The following PDZD2 variants were observed in gnomAD, a reference collection of about 807,000 sequenced individuals.
PDZD2 encodes PDZ domain-containing protein 2.
A neutral mutation model predicts 220.7 loss-of-function variants in PDZD2; 90 were observed. The observed-to-expected ratio is 0.41, with a 90% CI of 0.34 to 0.49. PDZD2 has a LOEUF of 0.49. PDZD2 is among the 20% of genes least tolerant of loss of function. The pLI is 0.28. For missense variants in PDZD2, 3,174 were observed against 3,608.5 expected, an observed-to-expected ratio of 0.88 and a Z score of 3.08; for synonymous variants, 1,375 against 1,450.5, an observed-to-expected ratio of 0.95 and a Z score of 1.18.
chr5:31,931,158 G>T (rs913930339), intron 2 of PDZD2, among the ~76,000 whole-genome samples: 1 of 152,130 alleles, frequency 6.6e-6, no homozygotes, highest in Admixed American at 6.5e-5. Flanking sequence ...GAGTAGCTGG[G>T]ATTACAGGCA....
At chr5:31,732,767 C>T (rs989705151) in intron 1 of PDZD2, among the ~76,000 whole-genome samples, 38 of 152,268 alleles carry the variant, frequency 2.5e-4, no homozygotes, top group African/African-American at 8.9e-4. Context: ...CTCACTCTGT[C>T]ACCCAGACTG....
intron 2 of PDZD2, among the ~76,000 whole-genome samples, chr5:31,852,896 C>T (rs947246382): frequency 1.3e-5 from 2 of 152,120 alleles, no homozygotes; most frequent in Non-Finnish European, 2.9e-5. Flanking sequence ...TGCGCCTGGC[C>T]CATACATTTA....
chr5:31,792,768 T>C (rs1211985869), intron 1 of PDZD2, among the ~76,000 whole-genome samples: 4 of 151,954 alleles, frequency 2.6e-5, no homozygotes. Context: ...ACTAACAGTG[T>C]CTCCCTGCAG....
chr5:31,879,280 G>A (rs755056018), intron 2 of PDZD2, among the ~76,000 whole-genome samples: 11 of 151,786 alleles, frequency 7.2e-5, no homozygotes, highest in Non-Finnish European at 1.5e-4. Flanking sequence ...CCACCTACTT[G>A]GGAGACTGAG....
chr5:32,021,422 G>A (rs530843730), intron 6 of PDZD2, among the ~76,000 whole-genome samples: 12 of 151,914 alleles, frequency 7.9e-5, no homozygotes, highest in Non-Finnish European at 1.5e-4. Flanking sequence ...TCAGCCTCCC[G>A]AGTAGCTGGG....
intron 1 of PDZD2, among the ~76,000 whole-genome samples, chr5:31,699,319 G>T (rs1747514984): frequency 6.6e-6 from 1 of 152,162 alleles, no homozygotes; most frequent in Admixed American, 6.5e-5. Context: ...AGGAATTTTT[G>T]AGCTGAATGT....
At chr5:32,011,008 C>CAA (rs34837601) in intron 6 of PDZD2, among the ~76,000 whole-genome samples, 14,756 of 98,828 alleles carry the variant, frequency 0.15, 1,130 homozygotes, top group Non-Finnish European at 0.17. Context: ...AAAAACCTCT[C>CAA]AAAAAAAAAA....
At chr5:31,785,392 A>T (rs1753320114) in intron 1 of PDZD2, among the ~76,000 whole-genome samples, 1 of 147,918 alleles carries the variant, frequency 6.8e-6, no homozygotes, top group African/African-American at 2.5e-5. Flanking sequence ...TATATATATA[A>T]ATATATATTT....
At chr5:32,024,681 T>TA (rs377545497) in intron 6 of PDZD2, among the ~76,000 whole-genome samples, 1 of 132,468 alleles carries the variant, frequency 7.5e-6, no homozygotes. Flanking sequence ...AGACTTCATC[T>TA]CAAAAAAAAA....
chr5:31,973,151 A>G (rs867928046), intron 2 of PDZD2, among the ~76,000 whole-genome samples: 2 of 152,224 alleles, frequency 1.3e-5, no homozygotes, highest in South Asian at 2.1e-4. Context: ...AAGGAGGTGC[A>G]TGAAAACCTT....
At chr5:31,736,581 A>G (rs1749875207) in intron 1 of PDZD2, among the ~76,000 whole-genome samples, 1 of 152,222 alleles carries the variant, frequency 6.6e-6, no homozygotes, top group Non-Finnish European at 1.5e-5. Flanking sequence ...AATACTGAAA[A>G]GTTTAGAGAT....
chr5:31,770,094 G>A (rs1463072756), intron 1 of PDZD2, among the ~76,000 whole-genome samples: 2 of 152,198 alleles, frequency 1.3e-5, no homozygotes, highest in Non-Finnish European at 2.9e-5. Context: ...AGCTTTGTGA[G>A]TTCTGCATAA....
At chr5:31,975,113 A>G (rs1433250447) in intron 2 of PDZD2, among the ~76,000 whole-genome samples, 1 of 152,244 alleles carries the variant, frequency 6.6e-6, no homozygotes, top group Non-Finnish European at 1.5e-5. Flanking sequence ...GTAATGAAGA[A>G]GACATATTTG....
intron 2 of PDZD2, among the ~76,000 whole-genome samples, chr5:31,977,306 G>T (rs1338955917): frequency 6.6e-6 from 1 of 152,112 alleles, no homozygotes; most frequent in African/African-American, 2.4e-5. Context: ...TTCTTCCAAA[G>T]GTTTTGGCAA....
chr5:31,960,285 C>G lies in PDZD2; in HGVS notation c.477-22870C>G, dbSNP rs145333296. On this transcript the variant is annotated intron_variant, in intron 2 of 24. Coordinates refer to ENST00000438447, the MANE Select transcript of PDZD2 (RefSeq NM_178140.4). ...AGGCTGGAGTGCCATGGCGCGATCTCGGCTCACCACAACCTCCACCCCCCA... is the reference window on the plus strand; with the variant it reads ...AGGCTGGAGTGCCATGGCGCGATCTGGGCTCACCACAACCTCCACCCCCCA... Among the ~76,000 whole-genome samples the G allele has an allele frequency of 5.5e-3, 835 of 151,944 alleles. 3 individuals carry two copies. Among genetic ancestry groups the G allele is most frequent in the Admixed American group, 0.011 (173 of 15,228 alleles).
At chr5:31,858,131 T>G (rs1758621195) in intron 2 of PDZD2, among the ~76,000 whole-genome samples, 1 of 151,828 alleles carries the variant, frequency 6.6e-6, no homozygotes, top group East Asian at 1.9e-4. Flanking sequence ...TGGCCTTTTT[T>G]TGTGTGTTTT....
At chr5:31,728,877 C>G (rs754427770) in intron 1 of PDZD2, among the ~76,000 whole-genome samples, 1 of 150,614 alleles carries the variant, frequency 6.6e-6, no homozygotes, top group Non-Finnish European at 1.5e-5. Context: ...GAGACAGAGT[C>G]TCTCTCTCTC....
rs568195866 is a variant in PDZD2, at chr5:32,085,751, T to G, written c.3683-1380T>G. ...CGTGAGCCACCATGCCCAGCCCTGT[T>G]TTTGTTGTGTTGTTGTTGTTTTGTT... On this transcript the variant is annotated intron_variant, in intron 19 of 24. Coordinates refer to ENST00000438447, the MANE Select transcript of PDZD2 (RefSeq NM_178140.4). Among the ~76,000 whole-genome samples, 86 of 152,272 alleles carry G rather than the reference T, an allele frequency of 5.6e-4. 1 individual carries two copies. Among genetic ancestry groups the G allele is most frequent in the African/African-American group, 2.0e-3 (85 of 41,548 alleles).
chr5:31,872,892 T>A (rs6882892), intron 2 of PDZD2, among the ~76,000 whole-genome samples: 1 of 152,000 alleles, frequency 6.6e-6, no homozygotes, highest in Admixed American at 6.6e-5. Flanking sequence ...CAAAAAAACC[T>A]GCTAATGGCA....
Sources: allele counts gnomAD v4.1 joint callset (sites outside exome capture counted in the v4.1 genomes callset), GRCh38; gene constraint gnomAD v4.1.1; transcripts MANE v1.5; gene names NCBI Gene and HGNC (gene_info 2026-07-23, HGNC 2026-07-21).